Variants in SHROOM2 observed in about 807,000 individuals in gnomAD.
The protein encoded by SHROOM2 is shroom family member 2, also known as protein Shroom2.
SHROOM2 carries 33 observed loss-of-function variants against 75.9 expected under a neutral mutation model. The observed-to-expected ratio is 0.43, with a 90% confidence interval of 0.33 to 0.58. SHROOM2 has a LOEUF of 0.58. SHROOM2 is among the 20% of genes least tolerant of loss of function. The pLI is 0.04. For missense variants in SHROOM2, 1,434 were observed against 1,461.2 expected, an observed-to-expected ratio of 0.98 and a Z score of 0.30; for synonymous variants, 655 against 663.6, an observed-to-expected ratio of 0.99 and a Z score of 0.20.
At chrX:9,872,619 C>T (rs1313601167) in intron 1 of SHROOM2, among the ~76,000 whole-genome samples, 1 of 111,800 alleles carries the variant, frequency 8.9e-6, no homozygotes, top group Non-Finnish European at 1.9e-5. Flanking sequence ...CAAGCTGTTA[C>T]GGAGTCAGTC....
chrX:9,920,987 T>TGG (rs2084539498), intron 5 of SHROOM2, among the ~76,000 whole-genome samples: 1 of 112,231 alleles, frequency 8.9e-6, no homozygotes, highest in Admixed American at 9.5e-5. Flanking sequence ...GGAGATTAGC[T>TGG]GGGTTATTGT....
At chrX:9,823,020 TCTCCTTCTCCTCCTCCTCCTCCTC>T (rs1433926779) in intron 1 of SHROOM2, among the ~76,000 whole-genome samples, 6 of 56,782 alleles carry the variant, frequency 1.1e-4, no homozygotes, top group African/African-American at 4.0e-4. Flanking sequence ...TTCTTCTCCT[TCTCCTTCTCCTCCTCCTCCTCCTC>T]CTCCTCCTCC....
intron 5 of SHROOM2, among the ~76,000 whole-genome samples, chrX:9,909,161 C>A (rs933741084): frequency 9.1e-5 from 10 of 109,927 alleles, no homozygotes; most frequent in African/African-American, 3.3e-4. Context: ...CTCAAATACA[C>A]CCATATGTAA....
At position 9,939,330 on chromosome X, in the gene SHROOM2, G is replaced by A. The variant is rs755730192; in HGVS notation, c.4275G>A (p.Ser1425=). The A allele has an allele frequency of 7.4e-6, 9 of 1,208,289 alleles. No individual in the cohort carries two copies. Among genetic ancestry groups the A allele is most frequent in the Admixed American group, 4.4e-5 (2 of 45,632 alleles). ...AGCAGCAGGAGCACGAAGAGGATTCGGGAAGCGACTTGGACCACGACCTGT... is the reference window on the plus strand; with the variant it reads ...AGCAGCAGGAGCACGAAGAGGATTCAGGAAGCGACTTGGACCACGACCTGT... ...LQEQQEHEED[S]GSDLDHDLSV... is the part of the protein sequence containing the mutation. Residue 1425 remains serine, a synonymous_variant, in exon 8 of 10, where the codon TCG becomes TCA. Transcript: ENST00000380913.
Position 9,814,782 on chromosome X carries a change from C to T in SHROOM2, c.165+28072C>T, listed in dbSNP as rs1162986001. Among the ~76,000 whole-genome samples the T allele has an allele frequency of 8.0e-5, 9 of 111,869 alleles. No individual in the cohort carries two copies. In the Admixed American group the frequency reaches 8.6e-4, roughly 11 times the overall value. Reference sequence around the variant, plus strand: ...CAGTGTCCCCAGCTTCATCAGGGTTCTCCCTCACCGTCCCCATTCCAAGTT... The same window carrying T: ...CAGTGTCCCCAGCTTCATCAGGGTTTTCCCTCACCGTCCCCATTCCAAGTT... On this transcript the variant is annotated intron_variant, in intron 1 of 9. Coordinates refer to ENST00000380913, the MANE Select transcript of SHROOM2 (RefSeq NM_001649.4).
chrX:9,899,699 C>T (rs751548173), intron 5 of SHROOM2, among the ~76,000 whole-genome samples: 4 of 112,209 alleles, frequency 3.6e-5, no homozygotes, highest in East Asian at 2.8e-4. Context: ...ACCAAGAATG[C>T]GTGGGTCAGA....
intron 1 of SHROOM2, among the ~76,000 whole-genome samples, chrX:9,872,320 T>G (rs773122525): frequency 3.2e-4 from 36 of 112,967 alleles, no homozygotes; most frequent in African/African-American, 1.2e-3. Flanking sequence ...ATCCCAGCAC[T>G]CTGGGAGGCC....
chrX:9,898,287 C>T lies in SHROOM2; in HGVS notation c.2888C>T (p.Pro963Leu), dbSNP rs759273002. 12 of 1,157,789 alleles carry T rather than the reference C, an allele frequency of 1.0e-5. No homozygotes were observed. The highest frequency in any genetic ancestry group is 7.6e-5 in the Admixed American group (3 of 39,517). The change falls in exon 5 of 10, where the codon CCG (proline) becomes CTG (leucine). Residue 963 changes from proline (P) to leucine (L), a missense_variant. Coordinates refer to ENST00000380913, the MANE Select transcript of SHROOM2 (RefSeq NM_001649.4). ...CGGGCCGAGGAGGGACAGTCCACGC[C>T]GAGGTGGGTGAAATTTGGATTCAGA... Reference protein sequence around the residue: ...AVRAEEGQSTPRQADAQCREG... With the variant: ...AVRAEEGQSTLRQADAQCREG...
rs2084158753 is a variant in SHROOM2, at chrX:9,869,197, G to A, written c.166-4455G>A. Among the ~76,000 whole-genome samples the A allele has an allele frequency of 2.7e-5, 3 of 111,639 alleles. No homozygotes were observed. The South Asian group carries it at 1.1e-3, about 42-fold the overall frequency. On this transcript the variant is annotated intron_variant, in intron 1 of 9. Coordinates refer to ENST00000380913, the MANE Select transcript of SHROOM2 (RefSeq NM_001649.4). ...GCTGGTCTTGAACTCCTGACCTCAGGTAATCCGCCTGCCTTGGCCTCCCAA... is the reference window on the plus strand; with the variant it reads ...GCTGGTCTTGAACTCCTGACCTCAGATAATCCGCCTGCCTTGGCCTCCCAA...
intron 1 of SHROOM2, among the ~76,000 whole-genome samples, chrX:9,800,547 G>C (rs751095199): frequency 1.2e-4 from 13 of 108,923 alleles, no homozygotes; most frequent in African/African-American, 4.4e-4. Context: ...CACCATGTTG[G>C]CCAGGCTGGT....
At chrX:9,928,182 GC>G (rs2084613393) in intron 5 of SHROOM2, among the ~76,000 whole-genome samples, 1 of 112,093 alleles carries the variant, frequency 8.9e-6, no homozygotes, top group Non-Finnish European at 1.9e-5. Flanking sequence ...GAATGGCAGG[GC>G]CGTGGGCTCC....
chrX:9,787,992 C>CTTTTTTTTTTTTTTTTTTT (rs58004470), intron 1 of SHROOM2, among the ~76,000 whole-genome samples: 14 of 84,214 alleles, frequency 1.7e-4, no homozygotes, highest in African/African-American at 5.9e-4. Context: ...TTTCTTTCTT[C>CTTTTTTTTTTTTTTTTTTT]TTTTTTTTTT....
intron 5 of SHROOM2, among the ~76,000 whole-genome samples, chrX:9,925,123 A>G (rs2084582234): frequency 9.0e-6 from 1 of 111,281 alleles, no homozygotes; most frequent in Non-Finnish European, 1.9e-5. Context: ...TTTCCACCTC[A>G]TCTGGCCTTT....
At chrX:9,902,857 C>T (rs2084372079) in intron 5 of SHROOM2, among the ~76,000 whole-genome samples, 1 of 111,462 alleles carries the variant, frequency 9.0e-6, no homozygotes, top group Admixed American at 9.6e-5. Flanking sequence ...GCCACTTCCG[C>T]CCCCGCCTGC....
Position 9,932,468 on chromosome X carries a change from C to A in SHROOM2, c.3185C>A (p.Pro1062Gln). 1 of 1,207,438 alleles carries A rather than the reference C, an allele frequency of 8.3e-7. No individual in the cohort carries two copies. ...SSALLSKRPA[P>Q]QRPPPPKREP... ...GCCCTGCTCTCCAAGAGGCCAGCCC[C>A]ACAGAGGCCACCGCCACCCAAGCGC... Residue 1062 changes from proline to glutamine, a missense_variant, in exon 6 of 10, where the codon CCA becomes CAA. Coordinates refer to ENST00000380913, the MANE Select transcript of SHROOM2 (RefSeq NM_001649.4).
At chrX:9,833,042 T>C (rs1306200133) in intron 1 of SHROOM2, among the ~76,000 whole-genome samples, 1 of 110,650 alleles carries the variant, frequency 9.0e-6, no homozygotes, top group Non-Finnish European at 1.9e-5. Context: ...AGTGCTTTAC[T>C]TCTACTTAAC....
At chrX:9,805,477 G>A (rs2083746330) in intron 1 of SHROOM2, among the ~76,000 whole-genome samples, 1 of 112,133 alleles carries the variant, frequency 8.9e-6, no homozygotes, top group Non-Finnish European at 1.9e-5. Flanking sequence ...GGTGGCTCAC[G>A]CCTGTAATCC....
At chrX:9,924,530 A>G (rs5978350) in intron 5 of SHROOM2, among the ~76,000 whole-genome samples, 4,138 of 107,637 alleles carry the variant, frequency 0.038, 147 homozygotes, top group African/African-American at 0.11. Flanking sequence ...TGGTTTTTCA[A>G]TTTTTTGTAG....
chrX:9,944,267 C>A (rs1178988663), intron 8 of SHROOM2, among the ~76,000 whole-genome samples: 1 of 112,198 alleles, frequency 8.9e-6, no homozygotes, highest in African/African-American at 3.2e-5. Flanking sequence ...TACTTTCTCT[C>A]TATGTGAATC....
Sources: gnomAD v4.1 joint callset for allele counts (sites outside exome capture counted in the v4.1 genomes callset) on GRCh38, gnomAD v4.1.1 for gene constraint, MANE v1.5 for transcripts, NCBI Gene and HGNC (gene_info 2026-07-23, HGNC 2026-07-21) for gene names.